TBCE: variants seen among roughly 807,000 people sequenced by gnomAD.
TBCE encodes tubulin folding cofactor E.
In TBCE, 53 loss-of-function variants were observed where a neutral mutation model predicts 77.0. The ratio of observed to expected loss-of-function variants is 0.69; its 90% CI spans 0.55 to 0.87. TBCE has a LOEUF of 0.87. Ranked by LOEUF, TBCE falls within the 40% of genes least tolerant of loss-of-function variation. The probability of loss-of-function intolerance (pLI) is 0.00; values close to 1 mark genes in which losing one functional copy is unlikely to be tolerated. For missense variants in TBCE, 624 were observed against 622.4 expected (o/e 1.00, Z -0.03); for synonymous variants, 235 against 241.3 (o/e 0.97, Z 0.24).
At chr1:235,436,998 G>A (rs1379686656) in intron 11 of TBCE, among the ~76,000 whole-genome samples, 3 of 151,804 alleles carry the variant, frequency 2.0e-5, no homozygotes, top group Non-Finnish European at 4.4e-5. Flanking sequence ...GCGTGGTGGC[G>A]CATGCCTGTA....
At chr1:235,369,230 C>T (rs1350298836) in intron 1 of TBCE, among the ~76,000 whole-genome samples, 4 of 152,112 alleles carry the variant, frequency 2.6e-5, no homozygotes, top group South Asian at 2.1e-4. Flanking sequence ...CAAAGTCGGC[C>T]GGGCGTGGTG....
At chr1:235,367,744 A>G (rs924917797) in intron 1 of TBCE, among the ~76,000 whole-genome samples, 1 of 152,188 alleles carries the variant, frequency 6.6e-6, no homozygotes, top group Admixed American at 6.5e-5. Context: ...AGCTTCTCTC[A>G]GAGAATTGGC....
Position 235,449,057 on chromosome 1 carries a change from C to G in TBCE, c.*295C>G. 3.0e-6 allele frequency: 1 copy of G among 338,462 alleles called. No individual in the cohort carries two copies. Among genetic ancestry groups the G allele is most frequent in the Admixed American group, 4.3e-5 (1 of 23,024 alleles). 21.0% of individuals were successfully genotyped at this position (338,462 alleles called of 1,614,324 possible). A position where few individuals can be genotyped will look rare whatever the true frequency, so the allele number is the denominator to read the frequency against. ...TAAATATTAAATAGAAAGAAACTAG[C>G]TAGCCTAATAAAATCTGAACACAGT... is the stretch of plus-strand genomic sequence containing the variant. On this transcript the variant is annotated 3_prime_UTR_variant, in exon 17 of 17. Transcript: ENST00000642610.
At chr1:235,396,697 A>G (rs1282708535) in intron 2 of TBCE, among the ~76,000 whole-genome samples, 2 of 151,986 alleles carry the variant, frequency 1.3e-5, no homozygotes, top group East Asian at 1.9e-4. Context: ...GTGATATCTC[A>G]TTGTAGTTTT....
rs1021613067 is a variant in TBCE at position 235,448,493 on chromosome 1, T to G, written c.1491+53T>G. On this transcript the variant is annotated intron_variant, in intron 16 of 16. Coordinates refer to ENST00000642610, the MANE Select transcript of TBCE (RefSeq NM_003193.5). ...AAAGTCAAGCTTAGTCCTCGTATTATGACATTAAACTGTCTCTAGATAGCA... is the reference window on the plus strand; with the variant it reads ...AAAGTCAAGCTTAGTCCTCGTATTAGGACATTAAACTGTCTCTAGATAGCA... 40 of 1,554,430 alleles carry G rather than the reference T, an allele frequency of 2.6e-5. No homozygotes were observed. In the Admixed American group the frequency reaches 2.8e-4, roughly 11 times the overall value.
intron 2 of TBCE, among the ~76,000 whole-genome samples, chr1:235,389,578 A>G (rs1412690603): frequency 6.6e-6 from 1 of 151,956 alleles, no homozygotes; most frequent in Non-Finnish European, 1.5e-5. Flanking sequence ...TAATCTGCCC[A>G]TCTCTACCTC....
At chr1:235,373,306 A>G (rs1245790601) in intron 1 of TBCE, among the ~76,000 whole-genome samples, 1 of 152,230 alleles carries the variant, frequency 6.6e-6, no homozygotes, top group Non-Finnish European at 1.5e-5. Flanking sequence ...CAATTGTAGT[A>G]AAATTTAAAC....
chr1:235,405,493 G>C (rs1679369977), intron 3 of TBCE, among the ~76,000 whole-genome samples: 1 of 151,674 alleles, frequency 6.6e-6, no homozygotes, highest in Admixed American at 6.6e-5. Context: ...AAAATTAGCT[G>C]GGCATGGTGG....
At position 235,442,416 on chromosome 1, in the gene TBCE, C is replaced by T. The variant is rs186264404; in HGVS notation, c.1340-436C>T. Among the ~76,000 whole-genome samples, 53 of 152,302 alleles carry T rather than the reference C, an allele frequency of 3.5e-4. No homozygotes were observed. In the East Asian group the frequency reaches 5.2e-3, roughly 15 times the overall value. Reference sequence around the variant, plus strand: ...AACTCCTGACCTCAGGAGATCCACCCGCCTCGGCCTCCCAAAGTGCTAGGA... The same window carrying T: ...AACTCCTGACCTCAGGAGATCCACCTGCCTCGGCCTCCCAAAGTGCTAGGA... On this transcript the variant is annotated intron_variant, in intron 14 of 16. Coordinates refer to ENST00000642610, the MANE Select transcript of TBCE (RefSeq NM_003193.5).
intron 1 of TBCE, among the ~76,000 whole-genome samples, chr1:235,368,744 G>A (rs1471979621): frequency 2.5e-4 from 37 of 148,478 alleles, no homozygotes; most frequent in Non-Finnish European, 4.5e-5. Flanking sequence ...TTTTGTATTT[G>A]TAGTAGAGAT....
intron 3 of TBCE, among the ~76,000 whole-genome samples, chr1:235,401,990 T>G (rs1420762979): frequency 6.6e-6 from 1 of 151,928 alleles, no homozygotes; most frequent in African/African-American, 2.4e-5. Context: ...AACATCTGAA[T>G]AGTGGAATGT....
chr1:235,434,325 ATTC>A, intron 8 of TBCE, 45 bp downstream of exon 8: 1 of 1,494,024 alleles, frequency 6.7e-7, no homozygotes, highest in Non-Finnish European at 9.3e-7. Flanking sequence ...TTTAATCATC[ATTC>A]TGAGTAAATA....
intron 2 of TBCE, among the ~76,000 whole-genome samples, chr1:235,390,612 T>C (rs1356817340): frequency 6.6e-6 from 1 of 151,814 alleles, no homozygotes; most frequent in Non-Finnish European, 1.5e-5. Flanking sequence ...AATACAAAAA[T>C]TAGTCAGATG....
In TBCE at chr1:235,430,867, A is replaced by G. The variant is rs2291687; in HGVS notation, c.660+63A>G. ...CAATTAAAAATGTTTGGTTTAATAG[A>G]GAATTGTTAGTACAGTTTAATAGTA... On this transcript the variant is annotated intron_variant, in intron 7 of 16. Transcript: ENST00000642610. 0.66 allele frequency: 881,125 copies of G among 1,341,954 alleles called. 292,665 individuals are homozygous for G. Among genetic ancestry groups the G allele is most frequent in the African/African-American group, 0.91 (63,310 of 69,274 alleles). 83.1% of individuals were successfully genotyped at this position (1,341,954 alleles called of 1,614,324 possible). A position where few individuals can be genotyped will look rare whatever the true frequency, so the allele number is the denominator to read the frequency against.
chr1:235,450,079 A>G lies in TBCE; in HGVS notation c.*1317A>G. The stretch of plus-strand genomic sequence containing the variant: ...AGAAACACCGCATTGGTTCTGGGTG[A>G]AAGTGCCAGTCTGGAACTCTCTTGA... On this transcript the variant is annotated 3_prime_UTR_variant, in exon 17 of 17. Transcript: ENST00000642610. 8.6e-7 allele frequency: 1 copy of G among 1,167,066 alleles called. No homozygotes were observed. Among genetic ancestry groups the G allele is most frequent in the Non-Finnish European group, 1.2e-6 (1 of 821,432 alleles). The allele number at this position is 1,167,066 out of a possible 1,614,324, so 72.3% of individuals were successfully genotyped here. A position where few individuals can be genotyped will look rare whatever the true frequency, so the allele number is the denominator to read the frequency against.
chr1:235,429,281 G>T (rs886241460), intron 6 of TBCE: 3 of 152,144 alleles, frequency 2.0e-5, no homozygotes, highest in African/African-American at 7.2e-5. Context: ...GAGCCACCAT[G>T]TCCCGCCTCT....
At chr1:235,439,994 G>A (rs1276355843) in intron 13 of TBCE, among the ~76,000 whole-genome samples, 1 of 150,480 alleles carries the variant, frequency 6.6e-6, no homozygotes, top group South Asian at 2.1e-4. Context: ...TTTTTGAGAC[G>A]GAGCCTCGCT....
rs1681279100 is a variant in TBCE, at chr1:235,434,201, C to T, written c.661-3C>T. 2 of 1,614,074 alleles carry T rather than the reference C, an allele frequency of 1.2e-6. No homozygotes were observed. Among genetic ancestry groups the T allele is most frequent in the East Asian group, 4.5e-5 (2 of 44,886 alleles). ...CTGAGCCTGAACCGAGTTTCTCTTC[C>T]AGGTGCTGCGGTGTGTCGCGGGGTG... is the stretch of plus-strand genomic sequence containing the variant. On this transcript the variant is annotated splice_polypyrimidine_tract_variant and splice_region_variant and intron_variant, in intron 7 of 16. Transcript: ENST00000642610.
intron 2 of TBCE, among the ~76,000 whole-genome samples, chr1:235,381,277 C>G (rs1677619041): frequency 6.6e-6 from 1 of 152,142 alleles, no homozygotes; most frequent in Non-Finnish European, 1.5e-5. Flanking sequence ...ATTGAAGAAA[C>G]AAACTTAAAA....
Sources: gnomAD v4.1 joint callset for allele counts (sites outside exome capture counted in the v4.1 genomes callset) on GRCh38, gnomAD v4.1.1 for gene constraint, MANE v1.5 for transcripts, NCBI Gene and HGNC (gene_info 2026-07-23, HGNC 2026-07-21) for gene names.